The following GPM6A variants were observed in gnomAD, a reference collection of about 807,000 sequenced individuals.
GPM6A encodes the protein glycoprotein M6A, also known as neuronal membrane glycoprotein M6-a.
Under a neutral mutation model 32.1 loss-of-function variants are expected in GPM6A, and 7 were observed. The ratio of observed to expected loss-of-function variants is 0.22; its 90% confidence interval spans 0.12 to 0.41. The LOEUF (loss-of-function observed/expected upper bound fraction) is 0.41. GPM6A is among the 10% of genes least tolerant of loss of function. The pLI is 1.00. For missense variants in GPM6A, 235 were observed against 347.2 expected, an observed-to-expected ratio of 0.68 and a Z score of 2.57; for synonymous variants, 130 against 123.4, an observed-to-expected ratio of 1.05 and a Z score of -0.35.
Position 175,980,699 on chromosome 4 carries a change from T to C in GPM6A, c.-23+21610A>G, listed in dbSNP as rs192828250. Among the ~76,000 whole-genome samples, 1,044 of 152,292 alleles carry C rather than the reference T, an allele frequency of 6.9e-3. 6 individuals carry two copies. The highest frequency in any genetic ancestry group is 0.011 in the Non-Finnish European group (767 of 68,024). On this transcript the variant is annotated intron_variant, in intron 1 of 7. Transcript: ENST00000280187. ...TATGTTTCTCAAATTTGAAAAAATGTATGAAATATTTATCTTGGCAATAAT... is the reference window on the plus strand; with the variant it reads ...TATGTTTCTCAAATTTGAAAAAATGCATGAAATATTTATCTTGGCAATAAT...
chr4:175,976,328 ATTT>A (rs34163669), intron 1 of GPM6A, among the ~76,000 whole-genome samples: 1 of 137,340 alleles, frequency 7.3e-6, no homozygotes, highest in African/African-American at 3.0e-5. Flanking sequence ...CGCCTGGCTA[ATTT>A]TTTTTTTTGT....
At chr4:175,821,108 A>G (rs761958230) in intron 1 of GPM6A, among the ~76,000 whole-genome samples, 37 of 152,186 alleles carry the variant, frequency 2.4e-4, no homozygotes, top group Non-Finnish European at 3.5e-4. Context: ...AATTTCCCTA[A>G]GAACTATCTG....
intron 1 of GPM6A, among the ~76,000 whole-genome samples, chr4:175,749,055 C>G (rs2111183876): frequency 6.6e-6 from 1 of 152,250 alleles, no homozygotes; most frequent in South Asian, 2.1e-4. Context: ...AAGTTAGAAC[C>G]TCTCTTCTGG....
intron 6 of GPM6A, among the ~76,000 whole-genome samples, chr4:175,637,141 A>G (rs35786176): frequency 0.25 from 27,815 of 111,602 alleles, 4,240 homozygotes; most frequent in Non-Finnish European, 0.33. Flanking sequence ...TATATTATAT[A>G]TGATATATTA....
chr4:175,745,743 G>A (rs1170074199), intron 1 of GPM6A, among the ~76,000 whole-genome samples: 1 of 152,322 alleles, frequency 6.6e-6, no homozygotes, highest in East Asian at 1.9e-4. Flanking sequence ...ATGCTGTGGG[G>A]AGAGAAATAA....
chr4:175,865,955 T>C (rs1435224753), intron 1 of GPM6A, among the ~76,000 whole-genome samples: 2 of 152,176 alleles, frequency 1.3e-5, no homozygotes, highest in Admixed American at 6.6e-5. Flanking sequence ...AGAATTTTCA[T>C]TGTGGAAAAA....
chr4:175,848,876 G>A (rs1288851036), intron 1 of GPM6A, among the ~76,000 whole-genome samples: 23 of 150,774 alleles, frequency 1.5e-4, no homozygotes, highest in Middle Eastern at 3.2e-3. Context: ...AAAAATCTCC[G>A]TGTGCAAATA....
intron 1 of GPM6A, among the ~76,000 whole-genome samples, chr4:175,720,226 G>A (rs2111112783): frequency 6.6e-6 from 1 of 152,278 alleles, no homozygotes; most frequent in Middle Eastern, 3.4e-3. Context: ...CCTTTTAGCT[G>A]TTTTTGTATT....
At chr4:175,889,011 A>G (rs375429509) in intron 1 of GPM6A, among the ~76,000 whole-genome samples, 26 of 152,332 alleles carry the variant, frequency 1.7e-4, no homozygotes, top group African/African-American at 6.0e-4. Flanking sequence ...TAAGAACTAC[A>G]CTTAGGAATT....
At chr4:175,793,877 A>G (rs1734108646) in intron 1 of GPM6A, among the ~76,000 whole-genome samples, 1 of 152,216 alleles carries the variant, frequency 6.6e-6, no homozygotes, top group Non-Finnish European at 1.5e-5. Context: ...GATATTGTCA[A>G]TTCTGATCCT....
chr4:175,864,870 G>C (rs1192440621), intron 1 of GPM6A, among the ~76,000 whole-genome samples: 2 of 147,192 alleles, frequency 1.4e-5, no homozygotes, highest in African/African-American at 5.0e-5. Flanking sequence ...GCAGTGGTGT[G>C]ATCTCGGCTC....
chr4:175,885,777 G>A (rs984385610), intron 1 of GPM6A, among the ~76,000 whole-genome samples: 2 of 152,190 alleles, frequency 1.3e-5, no homozygotes, highest in Non-Finnish European at 2.9e-5. Flanking sequence ...CGGGGTGGTG[G>A]TTACATGGAT....
intron 1 of GPM6A, chr4:175,970,959 C>T (rs1740483783): frequency 2.2e-6 from 1 of 452,178 alleles, no homozygotes; most frequent in South Asian, 1.6e-5. Flanking sequence ...GACGCCAGAG[C>T]CTGTGCTTGA....
At chr4:175,952,238 T>G (rs1161064569) in intron 1 of GPM6A, among the ~76,000 whole-genome samples, 1 of 152,238 alleles carries the variant, frequency 6.6e-6, no homozygotes, top group Non-Finnish European at 1.5e-5. Context: ...CTTTGACTTT[T>G]GAGAACATTC....
intron 1 of GPM6A, among the ~76,000 whole-genome samples, chr4:176,001,146 C>T (rs190497673): frequency 1.6e-4 from 24 of 152,260 alleles, no homozygotes; most frequent in African/African-American, 5.8e-4. Flanking sequence ...TCAAAGCATC[C>T]CCTAACCCTT....
intron 6 of GPM6A, among the ~76,000 whole-genome samples, chr4:175,637,129 AATATATTATATATG>A (rs1560841457): frequency 1.1e-5 from 1 of 93,484 alleles, no homozygotes; most frequent in African/African-American, 4.3e-5. Flanking sequence ...TATAATATAT[AATATATTATATATG>A]ATATATTATA....
intron 1 of GPM6A, among the ~76,000 whole-genome samples, chr4:175,783,004 C>T (rs1733671323): frequency 6.6e-6 from 1 of 151,876 alleles, no homozygotes; most frequent in South Asian, 2.1e-4. Context: ...TGGAGCAAAA[C>T]TCATAAAGTA....
chr4:175,724,086 G>A (rs190477973), intron 1 of GPM6A, among the ~76,000 whole-genome samples: 1 of 152,152 alleles, frequency 6.6e-6, no homozygotes, highest in Non-Finnish European at 1.5e-5. Context: ...CAGATAAAAA[G>A]GATATGGTGT....
intron 1 of GPM6A, among the ~76,000 whole-genome samples, chr4:175,950,581 G>A (rs1739774174): frequency 6.6e-6 from 1 of 152,086 alleles, no homozygotes; most frequent in South Asian, 2.1e-4. Context: ...TAGCTTTGGG[G>A]GAGTTTTTAC....
Sources: gnomAD v4.1 joint callset for allele counts (sites outside exome capture counted in the v4.1 genomes callset) on GRCh38, gnomAD v4.1.1 for gene constraint, MANE v1.5 for transcripts, NCBI Gene and HGNC (gene_info 2026-07-23, HGNC 2026-07-21) for gene names.